The following CLDN16 variants were observed in gnomAD, a reference collection of about 807,000 sequenced individuals.
CLDN16 encodes the protein claudin 16, also known as claudin-16.
In CLDN16, 13 loss-of-function variants were observed where a neutral mutation model predicts 24.6. The ratio of observed to expected loss-of-function variants is 0.53; its 90% CI spans 0.34 to 0.84. The LOEUF (loss-of-function observed/expected upper bound fraction) is 0.84, where lower values mean the gene tolerates loss of function less well. Among genes scored for constraint, CLDN16 ranks in the 40% least tolerant of loss-of-function variants. CLDN16 has a pLI of 0.01. For synonymous variants in CLDN16, 116 were observed against 106.7 expected, an observed-to-expected ratio of 1.09 and a Z score of -0.54; for missense variants, 298 against 292.7, an observed-to-expected ratio of 1.02 and a Z score of -0.13.
At position 190,411,577 on chromosome 3, in the gene CLDN16, T is replaced by G. The variant is rs530102213; in HGVS notation, c.*1541T>G. The G allele has an allele frequency of 7.2e-5, 11 of 152,192 alleles. No homozygotes were observed. Among genetic ancestry groups the G allele is most frequent in the African/African-American group, 2.4e-4 (10 of 41,532 alleles). The allele number at this position is 152,192 out of a possible 1,614,324, so 9.4% of individuals were successfully genotyped here. A position where few individuals can be genotyped will look rare whatever the true frequency, so the allele number is the denominator to read the frequency against. On this transcript the variant is annotated 3_prime_UTR_variant, in exon 5 of 5. Transcript: ENST00000264734. ...GTTCTTTGAAAAAAAAGAAATTAAG[T>G]TGTGAATTTCTAAAGACCTTGAAAT... is the stretch of plus-strand genomic sequence containing the variant.
At chr3:190,308,528 G>T in the CLDN16 span, 1 of 1,257,670 alleles carries the variant, frequency 8.0e-7, no homozygotes, top group Non-Finnish European at 1.1e-6. Context: ...AATACTCATT[G>T]TATTTTTTTC....
At chr3:190,292,953 C>T in the CLDN16 span, among the ~76,000 whole-genome samples, 7 of 152,192 alleles carry the variant, frequency 4.6e-5, no homozygotes, top group Non-Finnish European at 1.0e-4. Flanking sequence ...CAACCTCTGC[C>T]TGTTACCCAG....
At chr3:190,346,911 T>G (rs139145309) in intron 1 of CLDN16, among the ~76,000 whole-genome samples, 163 of 152,296 alleles carry the variant, frequency 1.1e-3, no homozygotes, top group African/African-American at 3.8e-3. Flanking sequence ...CTCACCCTAA[T>G]CCAGTATTAC....
the CLDN16 span, chr3:190,308,392 A>G: frequency 6.2e-7 from 1 of 1,613,840 alleles, no homozygotes; most frequent in Non-Finnish European, 8.5e-7. Context: ...CAGAAGGCAG[A>G]GAGAAGCAGC....
At chr3:190,366,637 C>G (rs1460373973) in intron 1 of CLDN16, among the ~76,000 whole-genome samples, 1 of 151,910 alleles carries the variant, frequency 6.6e-6, no homozygotes, top group African/African-American at 2.4e-5. Flanking sequence ...AACACCTTGG[C>G]CAATCCCCCA....
At chr3:190,370,039 T>C (rs1718106208) in intron 1 of CLDN16, among the ~76,000 whole-genome samples, 1 of 151,946 alleles carries the variant, frequency 6.6e-6, no homozygotes, top group African/African-American at 2.4e-5. Flanking sequence ...TGACATTCTT[T>C]TATATGATAG....
At chr3:190,404,705 G>C in intron 2 of CLDN16, 57 bp from the exon 3 acceptor site, 1 of 1,564,730 alleles carries the variant, frequency 6.4e-7, no homozygotes, top group Non-Finnish European at 8.8e-7. Flanking sequence ...ATGTCTCTGT[G>C]AGTTAATATG....
At chr3:190,313,094 GGAA>G in the CLDN16 span, 2 of 1,590,502 alleles carry the variant, frequency 1.3e-6, no homozygotes, top group East Asian at 2.2e-5. Flanking sequence ...AGAGAAAAAT[GGAA>G]GAAGACCAAG....
At chr3:190,340,514 C>A (rs959732265) in intron 1 of CLDN16, among the ~76,000 whole-genome samples, 8 of 152,072 alleles carry the variant, frequency 5.3e-5, no homozygotes, top group African/African-American at 1.7e-4. Context: ...ACAGGAAAGA[C>A]CTCCCACCCA....
chr3:190,317,339 T>C, the CLDN16 span, among the ~76,000 whole-genome samples: 1 of 152,202 alleles, frequency 6.6e-6, no homozygotes, highest in African/African-American at 2.4e-5. Flanking sequence ...TTAATTATAT[T>C]TAGCTAGACT....
At chr3:190,369,999 C>G (rs181803472) in intron 1 of CLDN16, among the ~76,000 whole-genome samples, 2 of 152,024 alleles carry the variant, frequency 1.3e-5, no homozygotes, top group African/African-American at 2.4e-5. Flanking sequence ...CTGAGACATA[C>G]AGAGGACATT....
At chr3:190,328,155 C>T (rs1717109427) in intron 1 of CLDN16, among the ~76,000 whole-genome samples, 1 of 151,788 alleles carries the variant, frequency 6.6e-6, no homozygotes, top group Non-Finnish European at 1.5e-5. Context: ...GTGGCATGCA[C>T]CTATAGTCCC....
intron 1 of CLDN16, among the ~76,000 whole-genome samples, chr3:190,330,472 T>C (rs1434619661): frequency 2.0e-5 from 3 of 152,202 alleles, no homozygotes; most frequent in Non-Finnish European, 4.4e-5. Flanking sequence ...CGCTGTGTGA[T>C]ATTAGATAAG....
At chr3:190,383,426 G>C (rs952376471), upstream of CLDN16, among the ~76,000 whole-genome samples, 4 of 152,044 alleles carry the variant, frequency 2.6e-5, no homozygotes, top group African/African-American at 9.7e-5. Context: ...GAAATCTAAG[G>C]AACAAAAGTT....
the CLDN16 span, among the ~76,000 whole-genome samples, chr3:190,295,239 C>G: frequency 2.6e-5 from 4 of 152,070 alleles, no homozygotes; most frequent in Non-Finnish European, 5.9e-5. Context: ...GAAACAATAA[C>G]TGATTACATT....
At chr3:190,303,654 A>G in the CLDN16 span, among the ~76,000 whole-genome samples, 1 of 152,234 alleles carries the variant, frequency 6.6e-6, no homozygotes, top group South Asian at 2.1e-4. Context: ...AAAATTGCAC[A>G]TTAAAGAGAA....
the CLDN16 span, among the ~76,000 whole-genome samples, chr3:190,312,487 G>A: frequency 6.6e-6 from 1 of 151,968 alleles, no homozygotes; most frequent in Non-Finnish European, 1.5e-5. Context: ...AGACCTGAAG[G>A]GTTCACATAT....
In CLDN16 at chr3:190,410,536, C is replaced by T. The variant is rs1719249804; in HGVS notation, c.*500C>T. Reference sequence around the variant, plus strand: ...TAAATTCAAACTAGTATGTCAATGCCTACCATTACTCTGATTATATTAAAA... The same window carrying T: ...TAAATTCAAACTAGTATGTCAATGCTTACCATTACTCTGATTATATTAAAA... On this transcript the variant is annotated 3_prime_UTR_variant, in exon 5 of 5. Transcript: ENST00000264734. The T allele has an allele frequency of 6.3e-6, 1 of 158,166 alleles. No individual in the cohort carries two copies. The highest frequency in any genetic ancestry group is 2.4e-5 in the African/African-American group (1 of 41,432). The allele number at this position is 158,166 out of a possible 1,614,324, so 9.8% of individuals were successfully genotyped here. A position where few individuals can be genotyped will look rare whatever the true frequency, so the allele number is the denominator to read the frequency against.
At chr3:190,322,504 C>G (rs1340619911), upstream of CLDN16, 1 of 398,590 alleles carries the variant, frequency 2.5e-6, no homozygotes, top group Admixed American at 4.1e-5. Flanking sequence ...CCCCGGCAGC[C>G]GGGGAGCGCC....
Sources: gnomAD v4.1 joint callset for allele counts (sites outside exome capture counted in the v4.1 genomes callset) on GRCh38, gnomAD v4.1.1 for gene constraint, MANE v1.5 for transcripts, NCBI Gene and HGNC (gene_info 2026-07-23, HGNC 2026-07-21) for gene names.